Variants in RAI1 observed in about 807,000 individuals in gnomAD.
RAI1 encodes retinoic acid induced 1, also known as retinoic acid-induced protein 1.
A neutral mutation model predicts 123.8 loss-of-function variants in RAI1; 9 were observed. That is an observed-to-expected ratio of 0.07 (90% confidence interval 0.04 to 0.13). The LOEUF (loss-of-function observed/expected upper bound fraction) is 0.13, where lower values mean the gene tolerates loss of function less well. Ranked by LOEUF, RAI1 falls within the 10% of genes least tolerant of loss-of-function variation. The pLI is 1.00. For synonymous variants in RAI1, 1,231 were observed against 1,127.3 expected (o/e 1.09, Z -1.84); for missense variants, 2,256 against 2,545.8 (o/e 0.89, Z 2.45).
intron 2 of RAI1, among the ~76,000 whole-genome samples, chr17:17,786,959 G>C (rs1418529608): frequency 2.0e-5 from 3 of 152,196 alleles, no homozygotes; most frequent in African/African-American, 7.2e-5. Context: ...TGTAATCCCA[G>C]CTACCCGGGA....
chr17:17,758,224 C>T (rs573521835), intron 2 of RAI1, among the ~76,000 whole-genome samples: 4 of 152,342 alleles, frequency 2.6e-5, no homozygotes, highest in Admixed American at 2.6e-4. Flanking sequence ...ATGGCAGGGC[C>T]GCCACAAGCC....
chr17:17,801,957 T>C lies in RAI1; in HGVS notation c.5566-1799T>C, dbSNP rs1232106941. On this transcript the variant is annotated intron_variant, in intron 3 of 5. Transcript: ENST00000353383. The surrounding 1 kb of genome is among the most constrained non-coding windows in gnomAD (Gnocchi z 4.1). ...CCATGCCTGGCACATAGGAAGCTAT[T>C]GTCGTTTGTTTCACTGGCTTCGCAC... is the stretch of plus-strand genomic sequence containing the variant. 4.7e-6 allele frequency: 2 copies of C among 423,458 alleles called. No homozygotes were observed. The highest frequency in any genetic ancestry group is 5.1e-5 in the Admixed American group (2 of 38,980). 26.2% of individuals were successfully genotyped at this position (423,458 alleles called of 1,614,324 possible).
intron 2 of RAI1, among the ~76,000 whole-genome samples, chr17:17,771,989 G>A (rs1210002999): frequency 6.6e-6 from 1 of 152,250 alleles, no homozygotes; most frequent in Non-Finnish European, 1.5e-5. Context: ...GTGGTGCATG[G>A]CTCTGGGCCA....
rs1246823935 is a variant in RAI1, at chr17:17,797,937, C to T, written c.4989C>T (p.Ser1663=). 1 of 1,613,946 alleles carries T rather than the reference C, an allele frequency of 6.2e-7. No homozygotes were observed. The highest frequency in any genetic ancestry group is 1.3e-5 in the African/African-American group (1 of 74,902). Residue 1663 remains serine, a synonymous_variant, in exon 3 of 6, where the codon TCC becomes TCT. Transcript: ENST00000353383. ...PGGSILQPRP[S]LPLSSTMHLG... ...GCTCCATCCTGCAGCCGCGGCCCTC[C>T]TTGCCCCTCTCCTCCACGATGCACT...
chr17:17,781,312 C>T (rs2031572704), intron 2 of RAI1, among the ~76,000 whole-genome samples: 1 of 152,240 alleles, frequency 6.6e-6, no homozygotes, highest in Non-Finnish European at 1.5e-5. Flanking sequence ...GTTCCTATGC[C>T]TGTGGGTCTC....
chr17:17,782,996 T>A (rs1280424284), intron 2 of RAI1, among the ~76,000 whole-genome samples: 1 of 149,872 alleles, frequency 6.7e-6, no homozygotes. Context: ...AAGTGGAGTG[T>A]GCAAGGAACA....
At position 17,793,891 on chromosome 17, in the gene RAI1, G is replaced by A. The variant is rs1240704009; in HGVS notation, c.943G>A (p.Gly315Arg). 4 of 1,613,664 alleles carry A rather than the reference G, an allele frequency of 2.5e-6. No homozygotes were observed. The highest frequency in any genetic ancestry group is 2.2e-5 in the East Asian group (1 of 44,874). The stretch of plus-strand genomic sequence containing the variant: ...AAACCTCGCCAAGTATCAGCACTAC[G>A]GGCAGCAAGGCCAGGGCTACTGCCA... ...YQNLAKYQHY[G>R]QQGQGYCQPD... is the part of the protein sequence containing the mutation. Residue 315 changes from glycine to arginine, a missense_variant, in exon 3 of 6, where the codon GGG becomes AGG. Coordinates refer to ENST00000353383, the MANE Select transcript of RAI1 (RefSeq NM_030665.4).
intron 2 of RAI1, among the ~76,000 whole-genome samples, 154 bp from the exon 3 acceptor site, chr17:17,792,779 C>G (rs893033873): frequency 2.3e-5 from 2 of 87,602 alleles, no homozygotes. Flanking sequence ...TTAAGAGCTG[C>G]GCGGGGGAGC....
At chr17:17,767,086 C>T (rs908445404) in intron 2 of RAI1, among the ~76,000 whole-genome samples, 1 of 152,170 alleles carries the variant, frequency 6.6e-6, no homozygotes, top group African/African-American at 2.4e-5. Context: ...GCCCAGTCAA[C>T]TCCCAGCTCC....
rs113210810 is a variant in RAI1, at chr17:17,797,971, G to C, written c.5023G>C (p.Val1675Leu). The change falls in exon 3 of 6, where the codon GTG (valine) becomes CTG (leucine). Residue 1675 changes from valine (V) to leucine (L), a missense_variant. Val to Leu is a conservative substitution (Grantham distance 32). This residue lies in a region of RAI1 where 243 missense variants were observed against 316.6 expected (regional missense o/e 0.77). Transcript: ENST00000353383. ...PLSSTMHLGP[V>L]VSKALSTSCL... ...CTCCTCCACGATGCACTTGGGGCCT[G>C]TGGTTTCCAAGGCCCTGAGTACCTC... 3.8e-4 allele frequency: 610 copies of C among 1,614,120 alleles called. 3 individuals are homozygous for C. The South Asian group carries it at 5.7e-3, about 15-fold the overall frequency.
At position 17,810,478 on chromosome 17, in the gene RAI1, C is replaced by A; in HGVS notation, c.*497C>A. 1 of 254,932 alleles carries A rather than the reference C, an allele frequency of 3.9e-6. No individual in the cohort carries two copies. Among genetic ancestry groups the A allele is most frequent in the Non-Finnish European group, 7.9e-6 (1 of 127,250 alleles). The allele number at this position is 254,932 out of a possible 1,614,324, so 15.8% of individuals were successfully genotyped here. A position where few individuals can be genotyped will look rare whatever the true frequency, so the allele number is the denominator to read the frequency against. ...TACTGGAAGAGGCGGAGGGCGGCTC[C>A]TAGCTCCGTGGACTAGGCGGGGGAG... On this transcript the variant is annotated 3_prime_UTR_variant, in exon 6 of 6. Transcript: ENST00000353383. This position sits in a 1 kb window ranked among gnomAD's most constrained non-coding sequence, Gnocchi z 4.6.
intron 2 of RAI1, among the ~76,000 whole-genome samples, chr17:17,732,314 T>A (rs1916297678): frequency 6.6e-6 from 1 of 151,920 alleles, no homozygotes; most frequent in African/African-American, 2.4e-5. Flanking sequence ...GATGGCAGAG[T>A]CCTGGGCAGG....
chr17:17,745,023 G>A (rs1054010137), intron 2 of RAI1, among the ~76,000 whole-genome samples: 1 of 152,090 alleles, frequency 6.6e-6, no homozygotes, highest in Non-Finnish European at 1.5e-5. Context: ...GTCCTGGTGG[G>A]GAGACTGACC....
chr17:17,766,924 G>T (rs1397893468), intron 2 of RAI1, among the ~76,000 whole-genome samples: 1 of 151,820 alleles, frequency 6.6e-6, no homozygotes. Context: ...AAGCCCATGG[G>T]TTGCGAGCAG....
rs2032323293 is a variant in RAI1, at chr17:17,797,895, G to A, written c.4947G>A (p.Leu1649=). 1.9e-6 allele frequency: 3 copies of A among 1,613,840 alleles called. No individual in the cohort carries two copies. Among genetic ancestry groups the A allele is most frequent in the Non-Finnish European group, 2.5e-6 (3 of 1,179,986 alleles). ...SFSLDAAGAS[L]ATLPGGSILQ... Reference sequence around the variant, plus strand: ...CCTTGGATGCAGCCGGGGCCTCCCTGGCCACACTCCCTGGAGGCTCCATCC... The same window carrying A: ...CCTTGGATGCAGCCGGGGCCTCCCTAGCCACACTCCCTGGAGGCTCCATCC... Residue 1649 remains leucine (L), a synonymous_variant, in exon 3 of 6, where the codon CTG becomes CTA. Transcript: ENST00000353383.
intron 2 of RAI1, chr17:17,778,783 A>G (rs530002012): frequency 2.2e-6 from 1 of 456,750 alleles, no homozygotes; most frequent in South Asian, 1.5e-5. Flanking sequence ...TCCAGAACAC[A>G]GCAGTTCTGG....
chr17:17,809,899 C>T lies in RAI1; in HGVS notation c.5710-71C>T. ...GTCTGGGGCTTAGGCGGGGGGCCCACACTGGGGGCGGGGCCTATGGACTGT... is the reference window on the plus strand; with the variant it reads ...GTCTGGGGCTTAGGCGGGGGGCCCATACTGGGGGCGGGGCCTATGGACTGT... On this transcript the variant is annotated intron_variant, in intron 5 of 5. Transcript: ENST00000353383. This position sits in a 1 kb window ranked among gnomAD's most constrained non-coding sequence, Gnocchi z 4.9. 6.5e-7 allele frequency: 1 copy of T among 1,548,190 alleles called. No homozygotes were observed. The highest frequency in any genetic ancestry group is 8.7e-7 in the Non-Finnish European group (1 of 1,146,430).
chr17:17,798,227 C>T lies in RAI1; in HGVS notation c.5279C>T (p.Pro1760Leu). Residue 1760 changes from proline to leucine, a missense_variant, in exon 3 of 6, where the codon CCA (proline) becomes CTA (leucine). Pro to Leu is a moderately conservative substitution (Grantham distance 98). This residue lies in a region of RAI1 where 243 missense variants were observed against 316.6 expected (regional missense o/e 0.77). Transcript: ENST00000353383. Reference sequence around the variant, plus strand: ...GGGAAGCCCCCCAGGCCTGACGGCCCAGCTGACCCGGCCAAGCAGGGCCCA... The same window carrying T: ...GGGAAGCCCCCCAGGCCTGACGGCCTAGCTGACCCGGCCAAGCAGGGCCCA... ...TAGKPPRPDG[P>L]ADPAKQGPLR... The T allele has an allele frequency of 6.2e-7, 1 of 1,611,186 alleles. No homozygotes were observed. The highest frequency in any genetic ancestry group is 8.5e-7 in the Non-Finnish European group (1 of 1,179,120).
At chr17:17,691,671 C>CG (rs1263637626) in intron 1 of RAI1, among the ~76,000 whole-genome samples, 1 of 152,044 alleles carries the variant, frequency 6.6e-6, no homozygotes, top group Non-Finnish European at 1.5e-5. Flanking sequence ...GGCCTGGCCT[C>CG]GGGGGGCCCA....
Sources: allele counts gnomAD v4.1 joint callset (sites outside exome capture counted in the v4.1 genomes callset), GRCh38; gene constraint gnomAD v4.1.1; regional missense constraint gnomAD v4.1.1; non-coding constraint Gnocchi (gnomAD v3.1); transcripts MANE v1.5; gene names NCBI Gene and HGNC (gene_info 2026-07-23, HGNC 2026-07-21).